LRRC40: variants seen among roughly 807,000 people sequenced by gnomAD.
The protein encoded by LRRC40 is leucine rich repeat containing 40.
Under a neutral mutation model 72.8 loss-of-function variants are expected in LRRC40, and 76 were observed. The ratio of observed to expected loss-of-function variants is 1.04; its 90% CI spans 0.87 to 1.26. The LOEUF (loss-of-function observed/expected upper bound fraction) is 1.26. Among genes scored for constraint, LRRC40 ranks in the 50% most tolerant of loss-of-function variants. LRRC40 has a pLI of 0.00. For missense variants in LRRC40, 684 were observed against 698.9 expected (o/e 0.98, Z 0.24); for synonymous variants, 243 against 254.2 (o/e 0.96, Z 0.42).
intron 11 of LRRC40, among the ~76,000 whole-genome samples, chr1:70,153,421 GAAAA>G (rs778504420): frequency 7.0e-6 from 1 of 142,518 alleles, no homozygotes; most frequent in South Asian, 2.2e-4. Context: ...CATTAGCAAA[GAAAA>G]AAAAAAGAAA....
chr1:70,163,300 T>G (rs1667806169), intron 9 of LRRC40, among the ~76,000 whole-genome samples: 1 of 152,046 alleles, frequency 6.6e-6, no homozygotes, highest in South Asian at 2.1e-4. Context: ...TCTTGGCCAG[T>G]ATGGTCTCAA....
intron 13 of LRRC40, 98 bp from the exon 14 acceptor site, chr1:70,148,770 T>G: frequency 4.4e-6 from 3 of 680,796 alleles, no homozygotes; most frequent in Non-Finnish European, 6.9e-6. Flanking sequence ...AGTTTTTTCT[T>G]TAGTGTATGT....
In LRRC40 at chr1:70,175,958, T is replaced by G. The variant is rs751171510; in HGVS notation, c.829A>C (p.Ile277Leu). ...LKELHVGENQ[I>L]EMLEAEHLKH... ...AGATGTTCTGCCTCTAACATTTCAA[T>G]CTGGTTTTCACCTACGTGCAATTCC... The change falls in exon 7 of 15, where the codon ATT (isoleucine) becomes CTT (leucine). Residue 277 changes from isoleucine to leucine, a missense_variant. Coordinates refer to ENST00000370952, the MANE Select transcript of LRRC40 (RefSeq NM_017768.5). 24 of 1,581,356 alleles carry G rather than the reference T, an allele frequency of 1.5e-5. No homozygotes were observed. The highest frequency in any genetic ancestry group is 2.0e-5 in the Non-Finnish European group (23 of 1,169,068).
chr1:70,186,497 C>T (rs1668361692), intron 3 of LRRC40, among the ~76,000 whole-genome samples: 1 of 152,048 alleles, frequency 6.6e-6, no homozygotes, highest in South Asian at 2.1e-4. Context: ...GACTATTTTC[C>T]CTCAAACCAG....
At position 70,175,982 on chromosome 1, in the gene LRRC40, C is replaced by A; in HGVS notation, c.805G>T (p.Glu269Ter). 6.5e-7 allele frequency: 1 copy of A among 1,542,330 alleles called. No homozygotes were observed. The highest frequency in any genetic ancestry group is 8.7e-7 in the Non-Finnish European group (1 of 1,150,610). Residue 269 changes from glutamate (E) to a stop codon, truncating the protein, a stop_gained and splice_region_variant, in exon 7 of 15, where the codon GAA becomes TAA. Transcript: ENST00000370952. LOFTEE classifies it high-confidence loss of function. ...ATCTGGTTTTCACCTACGTGCAATT[C>A]CTACAAAATCAAAGATGAGTTATGT... is the stretch of plus-strand genomic sequence containing the variant. The part of the protein sequence containing the change: ...PEFPSCSLLK[E>*]LHVGENQIEM...
chr1:70,153,466 A>T (rs1426909235), intron 11 of LRRC40, among the ~76,000 whole-genome samples: 1 of 152,170 alleles, frequency 6.6e-6, no homozygotes, highest in Non-Finnish European at 1.5e-5. Flanking sequence ...AAAAAGATGT[A>T]GTAAAAGAAA....
At chr1:70,158,599 T>C (rs1004782973) in intron 10 of LRRC40, among the ~76,000 whole-genome samples, 2 of 152,156 alleles carry the variant, frequency 1.3e-5, no homozygotes, top group African/African-American at 4.8e-5. Flanking sequence ...ATATTTAAAA[T>C]TTTTTGGCTT....
Position 70,205,483 on chromosome 1 carries a change from C to T in LRRC40, c.58G>A (p.Gly20Arg). The change falls in exon 1 of 15, where the codon GGA (glycine) becomes AGA (arginine). Residue 20 changes from glycine to arginine, a missense_variant. Gly to Arg is a moderately radical substitution (Grantham distance 125, BLOSUM62 -2). Coordinates refer to ENST00000370952, the MANE Select transcript of LRRC40 (RefSeq NM_017768.5). The part of the protein sequence containing the change: ...QDLRAGFKAG[G>R]RDCGTSVPQG... ...GGTACCGAGGTACCGCAGTCTCTTC[C>T]ACCTGCTTTGAAACCAGCGCGGAGA... 1 of 1,608,860 alleles carries T rather than the reference C, an allele frequency of 6.2e-7. No individual in the cohort carries two copies.
At chr1:70,198,968 T>G (rs529470457) in intron 1 of LRRC40, among the ~76,000 whole-genome samples, 33 of 152,026 alleles carry the variant, frequency 2.2e-4, no homozygotes, top group African/African-American at 7.5e-4. Flanking sequence ...CTGGGTAACA[T>G]AGCAAGACCT....
At chr1:70,167,949 G>C (rs752265260) in intron 9 of LRRC40, among the ~76,000 whole-genome samples, 28 of 152,172 alleles carry the variant, frequency 1.8e-4, no homozygotes, top group Non-Finnish European at 3.2e-4. Context: ...AGCAAATGAA[G>C]AAATAGCTGT....
intron 11 of LRRC40, among the ~76,000 whole-genome samples, chr1:70,154,768 TTAAG>T (rs1202415119): frequency 6.6e-6 from 1 of 151,662 alleles, no homozygotes; most frequent in Non-Finnish European, 1.5e-5. Context: ...TTTTTTCCTC[TTAAG>T]TATTTACGTG....
intron 9 of LRRC40, among the ~76,000 whole-genome samples, chr1:70,170,705 T>C (rs989508472): frequency 6.6e-6 from 1 of 152,114 alleles, no homozygotes; most frequent in African/African-American, 2.4e-5. Context: ...TAAAACATTG[T>C]TTAAAGAGAT....
At chr1:70,184,732 T>A (rs1346766481) in intron 4 of LRRC40, 53 bp downstream of exon 4, 7 of 1,516,656 alleles carry the variant, frequency 4.6e-6, no homozygotes, top group African/African-American at 4.3e-5. Context: ...CTCAGCCTGA[T>A]GAAAAATCCC....
At chr1:70,201,948 G>C (rs1030912971) in intron 1 of LRRC40, among the ~76,000 whole-genome samples, 1 of 152,268 alleles carries the variant, frequency 6.6e-6, no homozygotes, top group South Asian at 2.1e-4. Flanking sequence ...TTGCACTCCA[G>C]CCTGGGCAAC....
chr1:70,153,225 G>C (rs1667550489), intron 11 of LRRC40, among the ~76,000 whole-genome samples: 2 of 152,046 alleles, frequency 1.3e-5, no homozygotes, highest in South Asian at 4.1e-4. Context: ...AGCCAGGCAT[G>C]GTGGCGGGCA....
intron 1 of LRRC40, among the ~76,000 whole-genome samples, chr1:70,196,891 G>T (rs1668623426): frequency 6.6e-6 from 1 of 152,088 alleles, no homozygotes. Context: ...CTTTGTAAAT[G>T]ATACTTCAAT....
intron 1 of LRRC40, among the ~76,000 whole-genome samples, chr1:70,193,459 G>A (rs1343761410): frequency 1.3e-5 from 2 of 151,222 alleles, no homozygotes; most frequent in Non-Finnish European, 3.0e-5. Flanking sequence ...TAAAGAAATT[G>A]AATTAGCTAC....
chr1:70,192,209 T>C (rs946900528), intron 1 of LRRC40, among the ~76,000 whole-genome samples: 1 of 152,156 alleles, frequency 6.6e-6, no homozygotes, highest in African/African-American at 2.4e-5. Context: ...GTATTCTAGG[T>C]ATTTTATTCT....
intron 4 of LRRC40, among the ~76,000 whole-genome samples, chr1:70,182,383 A>G (rs1260115320): frequency 6.6e-6 from 1 of 152,074 alleles, no homozygotes; most frequent in Non-Finnish European, 1.5e-5. Flanking sequence ...TATTGTACCA[A>G]TGTGAACATC....
Sources: gnomAD v4.1 joint callset for allele counts (sites outside exome capture counted in the v4.1 genomes callset) on GRCh38, gnomAD v4.1.1 for gene constraint, MANE v1.5 for transcripts, NCBI Gene and HGNC (gene_info 2026-07-23, HGNC 2026-07-21) for gene names.